The following MST1R variants were observed in gnomAD, a reference collection of about 807,000 sequenced individuals.
The protein encoded by MST1R is macrophage-stimulating protein receptor.
Under a neutral mutation model 117.8 loss-of-function variants are expected in MST1R, and 99 were observed. That is an observed-to-expected ratio of 0.84 (90% confidence interval 0.71 to 0.99). The LOEUF is 0.99. MST1R is among the 50% of genes least tolerant of loss of function. The pLI is 0.00. For missense variants in MST1R, 1,683 were observed against 1,840.2 expected (o/e 0.91, Z 1.56); for synonymous variants, 734 against 765.3 (o/e 0.96, Z 0.68).
chr3:49,890,154 G>A, intron 18 of MST1R, 94 bp from the exon 19 acceptor site: 1 of 1,445,864 alleles, frequency 6.9e-7, no homozygotes, highest in Non-Finnish European at 9.3e-7. Context: ...TCCTTCAGCT[G>A]GAAATGGAAG....
rs149064521 is a variant in MST1R at position 49,898,581 on chromosome 3, G to A, written c.1656C>T (p.Cys552=). The part of the protein sequence containing the change: ...FMGCGWCGNM[C]GQQKECPGSW... ...AGCCAGGACACTCCTTCTGCTGGCC[G>A]CACATGTTCCCACACCAGCCACAGC... is the stretch of plus-strand genomic sequence containing the variant. Residue 552 remains cysteine (C), a synonymous_variant, in exon 4 of 20, where the codon TGC becomes TGT. Coordinates refer to ENST00000296474, the MANE Select transcript of MST1R (RefSeq NM_002447.4). 768 of 1,614,072 alleles carry A rather than the reference G, an allele frequency of 4.8e-4. 4 individuals carry two copies. The African/African-American group carries it at 7.2e-3, about 15-fold the overall frequency.
At chr3:49,896,676 AGCTGG>A in intron 8 of MST1R, 43 bp from the exon 9 acceptor site, 1 of 1,611,446 alleles carries the variant, frequency 6.2e-7, no homozygotes, top group Non-Finnish European at 8.5e-7. Flanking sequence ...TGTTCTCCAA[AGCTGG>A]CTCTCTCATT....
In MST1R at chr3:49,899,170, GC is replaced by G; in HGVS notation, c.1323del (p.Leu442CysfsTer12). The G allele has an allele frequency of 6.2e-7, 1 of 1,614,170 alleles. No individual in the cohort carries two copies. The highest frequency in any genetic ancestry group is 2.2e-5 in the East Asian group (1 of 44,884). On this transcript the variant is annotated frameshift_variant, in exon 2 of 20. Coordinates refer to ENST00000296474, the MANE Select transcript of MST1R (RefSeq NM_002447.4). LOFTEE classifies it high-confidence loss of function. ...GCAGTGACCTGTACTGGTCCCAACA[GC>G]CCATTGAATAGGTCCACACGTGAGA... ...SSFSRVDLFN[G>X]LLGPVQVTAL...
At chr3:49,899,315 C>A in intron 1 of MST1R, 52 bp from the exon 2 acceptor site, 1 of 1,588,222 alleles carries the variant, frequency 6.3e-7, no homozygotes, top group Non-Finnish European at 8.6e-7. Flanking sequence ...TGTGCCCCGA[C>A]CCTCTGGGGC....
rs1490934567 is a variant in MST1R at position 49,902,583 on chromosome 3, G to A, written c.1027C>T (p.Gln343Ter). 1.2e-6 allele frequency: 2 copies of A among 1,613,742 alleles called. No homozygotes were observed. The highest frequency in any genetic ancestry group is 1.7e-6 in the Non-Finnish European group (2 of 1,180,032). Residue 343 changes from glutamine to a stop codon, truncating the protein, a stop_gained, in exon 1 of 20, where the codon CAG becomes TAG. Transcript: ENST00000296474. LOFTEE classifies it high-confidence loss of function. Reference protein sequence around the residue: ...LATELSIAEGQEVLFGVFVTG... With the variant: ...LATELSIAEG ...ACAAAGACCCCAAATAGTACTTCCTGGCCCTCGGCGATGCTCAGCTCAGTG... is the reference window on the plus strand; with the variant it reads ...ACAAAGACCCCAAATAGTACTTCCTAGCCCTCGGCGATGCTCAGCTCAGTG...
At chr3:49,902,066 G>C (rs1010890221) in intron 1 of MST1R, among the ~76,000 whole-genome samples, 3 of 152,084 alleles carry the variant, frequency 2.0e-5, no homozygotes. Context: ...TGCTAACAGA[G>C]ACACGGTTAT....
At chr3:49,897,029 G>T in intron 7 of MST1R, 139 bp from the exon 8 acceptor site, 1 of 1,224,772 alleles carries the variant, frequency 8.2e-7, no homozygotes, top group Non-Finnish European at 1.1e-6. Flanking sequence ...CTGAAAATAA[G>T]GTGGTCCCAG....
chr3:49,888,176 C>T (rs1192381016), intron 19 of MST1R, among the ~76,000 whole-genome samples: 8 of 152,212 alleles, frequency 5.3e-5, no homozygotes, highest in African/African-American at 1.9e-4. Flanking sequence ...GTGGCTCACG[C>T]CTGTAATCCC....
In MST1R at chr3:49,890,575, A is replaced by G. The variant is rs765385235; in HGVS notation, c.3720T>C (p.Ser1240=). The G allele has an allele frequency of 8.7e-6, 14 of 1,614,014 alleles. No individual in the cohort carries two copies. Among genetic ancestry groups the G allele is most frequent in the Non-Finnish European group, 1.2e-5 (14 of 1,180,008 alleles). The change falls in exon 18 of 20, where the codon AGT becomes AGC. Residue 1240 remains serine (S), a synonymous_variant. Transcript: ENST00000296474. ...GGCGAGCGTGGCGATGCTGTTGAAC[A>G]CTATAGTACTCCCTGTCCAGGATGT... is the stretch of plus-strand genomic sequence containing the variant. ...ARDILDREYY[S]VQQHRHARLP...
intron 1 of MST1R, among the ~76,000 whole-genome samples, chr3:49,901,173 G>C (rs1191614646): frequency 6.6e-6 from 1 of 152,168 alleles, no homozygotes; most frequent in African/African-American, 2.4e-5. Context: ...CCAACCCTAG[G>C]GCCTCTCAAC....
chr3:49,892,554 C>A (rs999337871), intron 14 of MST1R, among the ~76,000 whole-genome samples: 1 of 151,488 alleles, frequency 6.6e-6, no homozygotes, highest in Non-Finnish European at 1.5e-5. Flanking sequence ...AGAAGCCAAG[C>A]GCAGTGCGCC....
chr3:49,892,308 C>T (rs779427477), intron 14 of MST1R, among the ~76,000 whole-genome samples: 1 of 151,568 alleles, frequency 6.6e-6, no homozygotes, highest in Non-Finnish European at 1.5e-5. Context: ...TGCAGTGGCT[C>T]ACACCTGTAA....
At chr3:49,890,368 G>A in intron 18 of MST1R, 117 bp downstream of exon 18, 2 of 1,138,264 alleles carry the variant, frequency 1.8e-6, no homozygotes, top group East Asian at 2.6e-5. Context: ...CAGATGGGCT[G>A]TGGGGGTCAT....
intron 15 of MST1R, 54 bp downstream of exon 15, chr3:49,891,704 A>G: frequency 2.5e-6 from 4 of 1,609,924 alleles, no homozygotes; most frequent in Non-Finnish European, 3.4e-6. Context: ...GAGAAAAAGA[A>G]TCCTCCCAGC....
chr3:49,893,912 A>AAT (rs2082389704), intron 14 of MST1R, among the ~76,000 whole-genome samples: 1 of 139,866 alleles, frequency 7.1e-6, no homozygotes, highest in Non-Finnish European at 1.6e-5. Flanking sequence ...AAAAAAAAAA[A>AAT]AATAAAATAA....
rs1490118249 is a variant in MST1R, at chr3:49,899,257, G to A, written c.1237C>T (p.Leu413=). 6.2e-7 allele frequency: 1 copy of A among 1,613,968 alleles called. No homozygotes were observed. Among genetic ancestry groups the A allele is most frequent in the Non-Finnish European group, 8.5e-7 (1 of 1,179,906 alleles). Residue 413 remains leucine (L), a synonymous_variant, in exon 2 of 20, where the codon CTG becomes TTG. Coordinates refer to ENST00000296474, the MANE Select transcript of MST1R (RefSeq NM_002447.4). ...CTGGTGTTGGGGCTGAGGGCTTCCA[G>A]GCCAGGCTGGGAAAGGTCAGGGAAG... The part of the protein sequence containing the change: ...SPSFCPNPPG[L]EALSPNTSCR...
At position 49,896,229 on chromosome 3, in the gene MST1R, G is replaced by T. The variant is rs576609097; in HGVS notation, c.2615C>A (p.Pro872Gln). The T allele has an allele frequency of 1.4e-5, 23 of 1,614,060 alleles. No homozygotes were observed. The highest frequency in any genetic ancestry group is 1.9e-5 in the Non-Finnish European group (23 of 1,180,036). Residue 872 changes from proline to glutamine, a missense_variant, in exon 10 of 20, where the codon CCA (proline) becomes CAA (glutamine). Physicochemically the swap from Pro to Gln is moderately conservative, Grantham distance 76. Transcript: ENST00000296474. ...PPHPPSANLV[P>Q]LKPEEHAIKF... ...AATGGCATGCTCCTCAGGCTTCAGT[G>T]GAACTAGGTTGGCACTGGGTGGATG... is the stretch of plus-strand genomic sequence containing the variant.
Position 49,895,727 on chromosome 3 carries a change from T to A in MST1R, c.2950A>T (p.Arg984Trp). 6.2e-7 allele frequency: 1 copy of A among 1,612,454 alleles called. No homozygotes were observed. Among genetic ancestry groups the A allele is most frequent in the Non-Finnish European group, 8.5e-7 (1 of 1,179,986 alleles). The change falls in exon 12 of 20, where the codon AGG (arginine) becomes TGG (tryptophan). Residue 984 changes from arginine to tryptophan, a missense_variant. Arg to Trp is a moderately radical substitution (Grantham distance 101, BLOSUM62 -3). Coordinates refer to ENST00000296474, the MANE Select transcript of MST1R (RefSeq NM_002447.4). The part of the protein sequence containing the change: ...TALVFSYWWR[R>W]KQLVLPPNLN... ...GCAGAGAACTCACCTAGCTGCTTCC[T>A]CCGCCACCAGTAGCTGAAGACCAGT...
At chr3:49,890,353 G>A (rs1194062750) in intron 18 of MST1R, 132 bp downstream of exon 18, 2 of 1,000,960 alleles carry the variant, frequency 2.0e-6, no homozygotes, top group Non-Finnish European at 2.9e-6. Flanking sequence ...TGCCCAAGAG[G>A]TGAGCAGATG....
Sources: gnomAD v4.1 joint callset for allele counts (sites outside exome capture counted in the v4.1 genomes callset) on GRCh38, gnomAD v4.1.1 for gene constraint, MANE v1.5 for transcripts, NCBI Gene and HGNC (gene_info 2026-07-23, HGNC 2026-07-21) for gene names.